Variants in ARK2N observed in about 807,000 individuals in gnomAD.
ARK2N encodes the protein protein ARK2N.
At chr18:46,177,195 TA>T in the ARK2N span, among the ~76,000 whole-genome samples, 1 of 152,136 alleles carries the variant, frequency 6.6e-6, no homozygotes. Context: ...ATACTATGAA[TA>T]AAAAGTTGTG....
the ARK2N span, among the ~76,000 whole-genome samples, chr18:46,256,732 T>G: frequency 6.6e-6 from 1 of 152,250 alleles, no homozygotes; most frequent in Admixed American, 6.5e-5. Flanking sequence ...ATGTAGAGTT[T>G]ACAGATTCTT....
At chr18:46,244,557 T>G in the ARK2N span, among the ~76,000 whole-genome samples, 1 of 150,994 alleles carries the variant, frequency 6.6e-6, no homozygotes, top group South Asian at 2.1e-4. Context: ...AGTATGGTCA[T>G]GTTCTTCATG....
the ARK2N span, chr18:46,240,116 C>T: frequency 6.2e-7 from 1 of 1,614,190 alleles, no homozygotes; most frequent in South Asian, 1.1e-5. Flanking sequence ...CACAGTAATT[C>T]TGTAGGCGGC....
At chr18:46,251,140 T>A in the ARK2N span, among the ~76,000 whole-genome samples, 1 of 152,166 alleles carries the variant, frequency 6.6e-6, no homozygotes, top group African/African-American at 2.4e-5. Flanking sequence ...GTAAAGACTG[T>A]TTGAATTATT....
the ARK2N span, among the ~76,000 whole-genome samples, chr18:46,201,555 T>C: frequency 2.0e-5 from 3 of 152,106 alleles, no homozygotes; most frequent in Non-Finnish European, 1.5e-5. Context: ...CTTGACCACA[T>C]GGACAGTGTA....
At chr18:46,185,564 T>G in the ARK2N span, among the ~76,000 whole-genome samples, 1 of 152,270 alleles carries the variant, frequency 6.6e-6, no homozygotes, top group South Asian at 2.1e-4. Context: ...TGACAATTGC[T>G]AAAGCCAGCA....
At chr18:46,203,912 T>C in the ARK2N span, among the ~76,000 whole-genome samples, 15 of 152,138 alleles carry the variant, frequency 9.9e-5, no homozygotes, top group Non-Finnish European at 2.2e-4. Flanking sequence ...TCTGACTGAT[T>C]TGATTTAAAG....
At chr18:46,194,478 G>GT in the ARK2N span, among the ~76,000 whole-genome samples, 106 of 148,126 alleles carry the variant, frequency 7.2e-4, 1 homozygote, top group South Asian at 2.1e-3. Flanking sequence ...TTTTTTTTTT[G>GT]TTTGTTTTTT....
At chr18:46,214,947 A>AG in the ARK2N span, among the ~76,000 whole-genome samples, 2 of 152,204 alleles carry the variant, frequency 1.3e-5, no homozygotes, top group Non-Finnish European at 2.9e-5. Context: ...ACTGCAGACA[A>AG]GTTGGATGCA....
At chr18:46,181,482 G>A in the ARK2N span, among the ~76,000 whole-genome samples, 1 of 122,454 alleles carries the variant, frequency 8.2e-6, no homozygotes, top group Admixed American at 7.7e-5. Flanking sequence ...TTGGGAGGCT[G>A]AGGCGGCGGA....
At chr18:46,239,979 A>G in the ARK2N span, 21 of 1,605,360 alleles carry the variant, frequency 1.3e-5, no homozygotes, top group Non-Finnish European at 1.8e-5. Context: ...CGTTAGATAC[A>G]AGTATACATT....
chr18:46,179,006 GAT>G, the ARK2N span, among the ~76,000 whole-genome samples: 3 of 152,020 alleles, frequency 2.0e-5, no homozygotes, highest in African/African-American at 7.2e-5. Context: ...GCAGTGTCAG[GAT>G]ATCTGCTCAC....
At chr18:46,205,278 A>G in the ARK2N span, among the ~76,000 whole-genome samples, 2,346 of 152,294 alleles carry the variant, frequency 0.015, 71 homozygotes, top group African/African-American at 0.053. Flanking sequence ...ATGGTTGTTC[A>G]CAGGTAATAC....
At chr18:46,193,617 A>G in the ARK2N span, among the ~76,000 whole-genome samples, 13 of 108,844 alleles carry the variant, frequency 1.2e-4, no homozygotes, top group African/African-American at 4.5e-4. Flanking sequence ...TTTTTTTTTA[A>G]TGACAGAGTC....
the ARK2N span, among the ~76,000 whole-genome samples, chr18:46,176,784 A>C: frequency 6.6e-6 from 1 of 152,010 alleles, no homozygotes; most frequent in African/African-American, 2.4e-5. Context: ...CGCCTGGCTA[A>C]TTTTGTATTT....
At chr18:46,189,269 G>A in the ARK2N span, among the ~76,000 whole-genome samples, 22 of 150,562 alleles carry the variant, frequency 1.5e-4, no homozygotes, top group Non-Finnish European at 2.4e-4. Context: ...AAGGAAACAC[G>A]TATAGGGAAA....
the ARK2N span, chr18:46,215,844 C>T: frequency 3.2e-6 from 5 of 1,568,276 alleles, no homozygotes; most frequent in Non-Finnish European, 4.3e-6. Flanking sequence ...ATATCATTTC[C>T]TAGACTCTAC....
At chr18:46,266,964 A>T in the ARK2N span, 1 of 152,052 alleles carries the variant, frequency 6.6e-6, no homozygotes, top group Non-Finnish European at 1.5e-5. Flanking sequence ...TTTTAAGACA[A>T]AATAAAATAG....
chr18:46,196,516 C>A, the ARK2N span, among the ~76,000 whole-genome samples: 1 of 152,204 alleles, frequency 6.6e-6, no homozygotes, highest in South Asian at 2.1e-4. Context: ...CCGCCTCGGC[C>A]TCCCAAAGTG....
Sources: gnomAD v4.1 joint callset for allele counts (sites outside exome capture counted in the v4.1 genomes callset) on GRCh38, gnomAD v4.1.1 for gene constraint, MANE v1.5 for transcripts, NCBI Gene and HGNC (gene_info 2026-07-23, HGNC 2026-07-21) for gene names.